GRK5: variants seen among roughly 807,000 people sequenced by gnomAD.
GRK5 encodes the protein g protein-coupled receptor kinase GRK5.
A neutral mutation model predicts 78.4 loss-of-function variants in GRK5; 40 were observed. The ratio of observed to expected loss-of-function variants is 0.51; its 90% CI spans 0.40 to 0.66. The LOEUF is 0.66. Ranked by LOEUF, GRK5 falls within the 30% of genes least tolerant of loss-of-function variation. The pLI, the probability that GRK5 is intolerant of heterozygous loss-of-function variation, is 0.00. For missense variants in GRK5, 598 were observed against 759.9 expected (o/e 0.79, Z 2.50); for synonymous variants, 289 against 296.8 (o/e 0.97, Z 0.27).
rs201014087 is a variant in GRK5 at position 119,234,682 on chromosome 10, TTTC to T, written c.52+26719_52+26721del. 9.8e-3 allele frequency among the ~76,000 whole-genome samples: 1,497 copies of T among 152,018 alleles called. 31 individuals are homozygous for T. Among genetic ancestry groups the T allele is most frequent in the African/African-American group, 0.035 (1,438 of 41,424 alleles). On this transcript the variant is annotated intron_variant, in intron 1 of 15. Transcript: ENST00000392870. ...CCCTCCCCTTTTTTCTTTTCTTTTC[TTTC>T]TTCTTTTCTTTTCTTATTATTTTTT...
chr10:119,394,883 CAG>C lies in GRK5; in HGVS notation c.262-1811_262-1810del, dbSNP rs755641843. Among the ~76,000 whole-genome samples, 21 of 142,680 alleles carry C rather than the reference CAG, an allele frequency of 1.5e-4. 1 individual carries two copies. Among genetic ancestry groups the C allele is most frequent in the Non-Finnish European group, 2.1e-4 (14 of 66,550 alleles). The allele number at this position is 142,680 out of a possible 152,430, so 93.6% of individuals were successfully genotyped here. On this transcript the variant is annotated intron_variant, in intron 3 of 15. Transcript: ENST00000392870. ...TGTGCACTCAGGTTTAGGAGAGCGA[CAG>C]GGGGCACAGAGGAAGAAAATAACAG...
Position 119,311,914 on chromosome 10 carries a change from A to ACTTTTTTTTTTTTTTTTT in GRK5, c.53-14602_53-14601insCTTTTTTTTTTTTTTTTT, listed in dbSNP as rs34048341. Among the ~76,000 whole-genome samples, 2 of 137,814 alleles carry ACTTTTTTTTTTTTTTTTT rather than the reference A, an allele frequency of 1.5e-5. 1 individual carries two copies. Among genetic ancestry groups the ACTTTTTTTTTTTTTTTTT allele is most frequent in the Non-Finnish European group, 3.1e-5 (2 of 64,916 alleles). The allele number at this position is 137,814 out of a possible 152,430, so 90.4% of individuals were successfully genotyped here. A position where few individuals can be genotyped will look rare whatever the true frequency, so the allele number is the denominator to read the frequency against. On this transcript the variant is annotated intron_variant, in intron 1 of 15. Transcript: ENST00000392870. ...TGTACTGAATGCTACTGAATTGTTC[A>ACTTTTTTTTTTTTTTTTT]TTTTTTTTTTTTTTTTTTTGAGACG...
chr10:119,364,312 C>CT (rs1384541863), intron 2 of GRK5, among the ~76,000 whole-genome samples: 3 of 152,206 alleles, frequency 2.0e-5, no homozygotes, highest in Non-Finnish European at 4.4e-5. Flanking sequence ...TCTGCAACTG[C>CT]TTTGGGCTGG....
At chr10:119,243,437 C>A (rs1044178813) in intron 1 of GRK5, among the ~76,000 whole-genome samples, 1 of 152,056 alleles carries the variant, frequency 6.6e-6, no homozygotes. Context: ...GCTTAGAAAC[C>A]CTTTGACAGC....
Position 119,217,259 on chromosome 10 carries a change from C to G in GRK5, c.52+9290C>G, listed in dbSNP as rs778531899. Reference sequence around the variant, plus strand: ...CTCAGACCGTGATTTCAGCTGAGGGCCAGTTTGAGAGCAGTTGGGTAAATT... The same window carrying G: ...CTCAGACCGTGATTTCAGCTGAGGGGCAGTTTGAGAGCAGTTGGGTAAATT... On this transcript the variant is annotated intron_variant, in intron 1 of 15. Coordinates refer to ENST00000392870, the MANE Select transcript of GRK5 (RefSeq NM_005308.3). This position sits in a 1 kb window ranked among gnomAD's most constrained non-coding sequence, Gnocchi z 4.1. 3.3e-5 allele frequency among the ~76,000 whole-genome samples: 5 copies of G among 152,146 alleles called. No homozygotes were observed. Among genetic ancestry groups the G allele is most frequent in the Non-Finnish European group, 5.9e-5 (4 of 68,026 alleles).
rs1197995442 is a variant in GRK5, at chr10:119,313,188, A to C, written c.53-13328A>C. ...GGTAGTGGTGGTGGTGATGGTGATGATGATGGTGGTGGTAATGGTAGTGGT... is the reference window on the plus strand; with the variant it reads ...GGTAGTGGTGGTGGTGATGGTGATGCTGATGGTGGTGGTAATGGTAGTGGT... On this transcript the variant is annotated intron_variant, in intron 1 of 15. Transcript: ENST00000392870. 1.1e-4 allele frequency among the ~76,000 whole-genome samples: 15 copies of C among 136,004 alleles called. No individual in the cohort carries two copies. In the South Asian group the frequency reaches 3.5e-3, roughly 32 times the overall value. 89.2% of individuals were successfully genotyped at this position (136,004 alleles called of 152,430 possible).
intron 1 of GRK5, among the ~76,000 whole-genome samples, chr10:119,236,169 A>C (rs1413897705): frequency 1.3e-5 from 2 of 152,054 alleles, no homozygotes; most frequent in Non-Finnish European, 2.9e-5. Context: ...TGAGGTCAGG[A>C]GTTCTTATTG....
chr10:119,394,409 TGTGTGG>T (rs1474698328), intron 3 of GRK5, among the ~76,000 whole-genome samples: 2 of 93,662 alleles, frequency 2.1e-5, no homozygotes, highest in Admixed American at 9.2e-5. Context: ...TGTGGGCATG[TGTGTGG>T]GGGTGTGTGG....
intron 1 of GRK5, among the ~76,000 whole-genome samples, chr10:119,231,830 A>T (rs142581550): frequency 6.6e-6 from 1 of 152,226 alleles, no homozygotes; most frequent in Non-Finnish European, 1.5e-5. Flanking sequence ...GACAAAAAAT[A>T]ACAAATACCG....
chr10:119,276,494 CTA>C (rs1849672480), intron 1 of GRK5, among the ~76,000 whole-genome samples: 1 of 152,134 alleles, frequency 6.6e-6, no homozygotes, highest in African/African-American at 2.4e-5. Flanking sequence ...TTAATCCAGT[CTA>C]TCATTGTTGG....
chr10:119,223,566 G>T (rs1240880528), intron 1 of GRK5, among the ~76,000 whole-genome samples: 1 of 151,938 alleles, frequency 6.6e-6, no homozygotes, highest in Non-Finnish European at 1.5e-5. Flanking sequence ...ACTCTGACCG[G>T]GTCCCCAAAT....
intron 1 of GRK5, among the ~76,000 whole-genome samples, chr10:119,225,989 C>A (rs1418695040): frequency 6.6e-6 from 1 of 151,962 alleles, no homozygotes; most frequent in Admixed American, 6.6e-5. Context: ...GCTGGGACTA[C>A]AGGTGCCCGC....
intron 2 of GRK5, chr10:119,334,977 A>T (rs891399061): frequency 6.6e-6 from 1 of 152,194 alleles, no homozygotes; most frequent in Admixed American, 6.5e-5. Flanking sequence ...CAGAAGTCCC[A>T]GGCTGTGGGG....
intron 1 of GRK5, among the ~76,000 whole-genome samples, chr10:119,209,492 T>TTTTTTG (rs1848448298): frequency 1.8e-5 from 1 of 54,440 alleles, no homozygotes; most frequent in African/African-American, 9.0e-5. Flanking sequence ...GTGTGGTTTT[T>TTTTTTG]TTTTTTTTTT....
intron 1 of GRK5, among the ~76,000 whole-genome samples, chr10:119,284,287 G>A (rs149698676): frequency 8.9e-4 from 135 of 152,132 alleles, no homozygotes; most frequent in African/African-American, 3.2e-3. Flanking sequence ...ATTTAATCCA[G>A]TATCTGCAAA....
At chr10:119,293,343 C>G (rs950951397) in intron 1 of GRK5, among the ~76,000 whole-genome samples, 1 of 152,138 alleles carries the variant, frequency 6.6e-6, no homozygotes, top group East Asian at 1.9e-4. Context: ...TTTTCTCTGG[C>G]GACGCCCAGT....
intron 1 of GRK5, among the ~76,000 whole-genome samples, chr10:119,251,195 G>T (rs753290300): frequency 1.5e-4 from 23 of 151,790 alleles, no homozygotes; most frequent in Non-Finnish European, 2.9e-4. Context: ...ATCTTAATTT[G>T]CATAGACAGT....
intron 1 of GRK5, among the ~76,000 whole-genome samples, chr10:119,228,447 TA>T (rs3064441): frequency 0.75 from 105,287 of 139,992 alleles, 41,369 homozygotes; most frequent in East Asian, 0.93. Flanking sequence ...ACCCAATCTC[TA>T]AAAAAAAAAA....
chr10:119,398,600 G>A lies in GRK5; in HGVS notation c.339+1828G>A, dbSNP rs572532149. On this transcript the variant is annotated intron_variant, in intron 4 of 15. Transcript: ENST00000392870. ...GTCACATGTGTCCCCCCCAAACAAT[G>A]GCAACTAGAATGTATTGAGGACTCC... is the stretch of plus-strand genomic sequence containing the variant. Among the ~76,000 whole-genome samples the A allele has an allele frequency of 2.3e-4, 35 of 152,302 alleles. No individual in the cohort carries two copies. The South Asian group carries it at 7.1e-3, about 31-fold the overall frequency.
Sources: gnomAD v4.1 joint callset for allele counts (sites outside exome capture counted in the v4.1 genomes callset) on GRCh38, gnomAD v4.1.1 for gene constraint, Gnocchi (gnomAD v3.1) non-coding constraint, MANE v1.5 for transcripts, NCBI Gene and HGNC (gene_info 2026-07-23, HGNC 2026-07-21) for gene names.